UIMC1: variants seen among roughly 807,000 people sequenced by gnomAD.
UIMC1 encodes the protein ubiquitin interaction motif containing 1.
A neutral mutation model predicts 84.9 loss-of-function variants in UIMC1; 42 were observed. The ratio of observed to expected loss-of-function variants is 0.49; its 90% CI spans 0.39 to 0.64. The LOEUF (loss-of-function observed/expected upper bound fraction) is 0.64, where lower values mean the gene tolerates loss of function less well. UIMC1 is among the 30% of genes least tolerant of loss of function. The pLI, the probability that UIMC1 is intolerant of heterozygous loss-of-function variation, is 0.00. For missense variants in UIMC1, 825 were observed against 847.6 expected, an observed-to-expected ratio of 0.97 and a Z score of 0.33; for synonymous variants, 281 against 293.0, an observed-to-expected ratio of 0.96 and a Z score of 0.42.
intron 1 of UIMC1, among the ~76,000 whole-genome samples, chr5:176,990,851 T>A (rs1051551911): frequency 3.3e-5 from 5 of 151,484 alleles, no homozygotes; most frequent in Non-Finnish European, 5.9e-5. Flanking sequence ...TTTTTTTTTT[T>A]AAAGAGATGG....
intron 9 of UIMC1, among the ~76,000 whole-genome samples, chr5:176,946,707 T>C (rs1561798964): frequency 6.6e-6 from 1 of 151,586 alleles, no homozygotes; most frequent in African/African-American, 2.4e-5. Flanking sequence ...TGGTGGCGCA[T>C]GTCTGTAGTC....
intron 9 of UIMC1, 104 bp downstream of exon 9, chr5:176,951,370 C>A (rs901420211): frequency 3.6e-6 from 3 of 828,284 alleles, no homozygotes; most frequent in African/African-American, 3.6e-5. Context: ...AAAACTAAAA[C>A]CCCCTGCCAC....
chr5:176,958,763 T>C (rs926700589), intron 6 of UIMC1, among the ~76,000 whole-genome samples: 2 of 152,226 alleles, frequency 1.3e-5, no homozygotes, highest in African/African-American at 2.4e-5. Flanking sequence ...AGAAATGTAA[T>C]GAATAGGGAC....
rs192753697 is a variant in UIMC1, at chr5:176,942,813, G to C, written c.1597+522C>G. ...GTCACACCTGTAATCTCAGCACTTT[G>C]GGAGGCCAAGGCAGAAGAATCACTT... On this transcript the variant is annotated intron_variant, in intron 10 of 14. Coordinates refer to ENST00000511320, the MANE Select transcript of UIMC1 (RefSeq NM_001199298.2). Among the ~76,000 whole-genome samples the C allele has an allele frequency of 4.6e-5, 7 of 151,594 alleles. 2 individuals carry two copies. The highest frequency in any genetic ancestry group is 1.7e-4 in the African/African-American group (7 of 41,270).
chr5:176,939,655 A>T (rs1764181017), intron 10 of UIMC1, among the ~76,000 whole-genome samples: 2 of 152,198 alleles, frequency 1.3e-5, no homozygotes, highest in African/African-American at 4.8e-5. Context: ...GGTTTGTGTA[A>T]GTATACTCAC....
At chr5:176,996,459 T>C (rs56682653) in intron 1 of UIMC1, among the ~76,000 whole-genome samples, 1 of 152,320 alleles carries the variant, frequency 6.6e-6, no homozygotes, top group African/African-American at 2.4e-5. Flanking sequence ...GTTACCATCA[T>C]GACCATGTAA....
chr5:176,982,264 C>T (rs1771174877), intron 2 of UIMC1, among the ~76,000 whole-genome samples: 4 of 152,220 alleles, frequency 2.6e-5, no homozygotes, highest in Non-Finnish European at 5.9e-5. Flanking sequence ...AACTGAAGAA[C>T]TATGATCCAT....
In UIMC1 at chr5:176,908,679, G is replaced by GT. The variant is rs1468411515; in HGVS notation, c.1691dup (p.Tyr564Ter). The GT allele has an allele frequency of 1.9e-6, 3 of 1,613,392 alleles. No individual in the cohort carries two copies. Among genetic ancestry groups the GT allele is most frequent in the East Asian group, 2.2e-5 (1 of 44,836 alleles). Residue 564 changes from tyrosine (Y) to a stop codon, truncating the protein, a stop_gained and frameshift_variant, in exon 12 of 15, where the codon TAC (tyrosine) becomes TAAC (stop). Coordinates refer to ENST00000511320, the MANE Select transcript of UIMC1 (RefSeq NM_001199298.2). LOFTEE classifies it high-confidence loss of function. ...TAAATGGGACCAGGGATTTACAGAGGTAACACTTCTCATTCCTATCCAATA... is the reference window on the plus strand; with the variant it reads ...TAAATGGGACCAGGGATTTACAGAGGTTAACACTTCTCATTCCTATCCAATA... ...SLDIDKNEKC[Y>*]LCKSLVPFRE...
At chr5:176,993,200 C>A (rs982099811) in intron 1 of UIMC1, among the ~76,000 whole-genome samples, 1 of 140,596 alleles carries the variant, frequency 7.1e-6, no homozygotes, top group Non-Finnish European at 1.6e-5. Flanking sequence ...AAAAAAAATT[C>A]TTGGCCGGGT....
chr5:176,949,118 T>A (rs1263845226), intron 9 of UIMC1, among the ~76,000 whole-genome samples: 1 of 151,836 alleles, frequency 6.6e-6, no homozygotes, highest in Non-Finnish European at 1.5e-5. Context: ...TTTATTTTTT[T>A]AAATTTTATT....
Position 176,906,051 on chromosome 5 carries a change from T to C in UIMC1, c.1913-4A>G, listed in dbSNP as rs1581317239. On this transcript the variant is annotated splice_region_variant and splice_polypyrimidine_tract_variant and intron_variant, in intron 13 of 14. Transcript: ENST00000511320. Reference sequence around the variant, plus strand: ...TCTGAAGACTTGATGTCTGCATCTGTGATATAAAAGAAAAAATAATAATGT... The same window carrying C: ...TCTGAAGACTTGATGTCTGCATCTGCGATATAAAAGAAAAAATAATAATGT... 6.2e-7 allele frequency: 1 copy of C among 1,613,696 alleles called. No homozygotes were observed. The highest frequency in any genetic ancestry group is 8.5e-7 in the Non-Finnish European group (1 of 1,179,828).
chr5:176,923,512 T>C (rs1581391559), intron 10 of UIMC1, among the ~76,000 whole-genome samples: 1 of 151,238 alleles, frequency 6.6e-6, no homozygotes, highest in Non-Finnish European at 1.5e-5. Context: ...ACAGTGCCAC[T>C]GCACTCCAGC....
At chr5:176,961,113 C>A (rs1767345248) in intron 6 of UIMC1, among the ~76,000 whole-genome samples, 1 of 81,550 alleles carries the variant, frequency 1.2e-5, no homozygotes, top group African/African-American at 8.9e-5. Context: ...TGTGAGGAGC[C>A]CCTCTGCTCG....
chr5:176,934,869 TAAG>T (rs1472642858), intron 10 of UIMC1, among the ~76,000 whole-genome samples: 2 of 152,156 alleles, frequency 1.3e-5, no homozygotes. Context: ...GCTTGTCCCT[TAAG>T]AAGAGGCCAT....
intron 9 of UIMC1, among the ~76,000 whole-genome samples, chr5:176,949,055 C>A (rs569353809): frequency 7.5e-4 from 114 of 151,804 alleles, no homozygotes; most frequent in Non-Finnish European, 1.1e-3. Flanking sequence ...AATGTGTAAT[C>A]TTGGTCTAGT....
intron 2 of UIMC1, among the ~76,000 whole-genome samples, chr5:176,979,164 C>T (rs1047208720): frequency 6.6e-6 from 1 of 152,070 alleles, no homozygotes; most frequent in African/African-American, 2.4e-5. Context: ...ATTTCAAATA[C>T]CTGGGGAATG....
chr5:177,022,028 T>C (rs1359654558), intron 1 of UIMC1, among the ~76,000 whole-genome samples: 1 of 152,132 alleles, frequency 6.6e-6, no homozygotes, highest in African/African-American at 2.4e-5. Context: ...ATCTGACTTG[T>C]CATAAGAGGA....
At chr5:176,940,639 C>T (rs966084016) in intron 10 of UIMC1, among the ~76,000 whole-genome samples, 1 of 152,028 alleles carries the variant, frequency 6.6e-6, no homozygotes, top group Non-Finnish European at 1.5e-5. Context: ...GATTGCAGTC[C>T]TTCAGTGCTC....
intron 1 of UIMC1, among the ~76,000 whole-genome samples, chr5:177,019,105 GAATA>G (rs1775735059): frequency 6.6e-6 from 1 of 152,118 alleles, no homozygotes; most frequent in Non-Finnish European, 1.5e-5. Context: ...AATAAAAAGA[GAATA>G]AATAATGTGC....
Sources: gnomAD v4.1 joint callset for allele counts (sites outside exome capture counted in the v4.1 genomes callset) on GRCh38, gnomAD v4.1.1 for gene constraint, MANE v1.5 for transcripts, NCBI Gene and HGNC (gene_info 2026-07-23, HGNC 2026-07-21) for gene names.